DNMBP: variants seen among roughly 807,000 people sequenced by gnomAD.
DNMBP encodes dynamin binding protein.
In DNMBP, 87 loss-of-function variants were observed where a neutral mutation model predicts 150.0. The ratio of observed to expected loss-of-function variants is 0.58; its 90% CI spans 0.49 to 0.69. DNMBP has a LOEUF of 0.69. DNMBP is among the 30% of genes least tolerant of loss of function. The probability of loss-of-function intolerance (pLI) is 0.00; values close to 1 mark genes in which losing one functional copy is unlikely to be tolerated. For synonymous variants in DNMBP, 711 were observed against 750.4 expected (o/e 0.95, Z 0.86); for missense variants, 1,774 against 1,949.0 (o/e 0.91, Z 1.69).
chr10:99,971,594 T>C (rs887655831), intron 2 of DNMBP, among the ~76,000 whole-genome samples: 3 of 152,178 alleles, frequency 2.0e-5, no homozygotes, highest in African/African-American at 7.2e-5. Flanking sequence ...CAATCTCAAC[T>C]CACTGCAATC....
chr10:99,877,218 A>G lies in DNMBP; in HGVS notation c.4667T>C (p.Leu1556Ser), dbSNP rs1273446635. The part of the protein sequence containing the change: ...KDVTGNTEWW[L>S]AEVNGKKGYV... ...GCCCTTCTTCCCGTTAACCTCAGCTAACCACCACTCTGTATTTCCTGTAAC... is the reference window on the plus strand; with the variant it reads ...GCCCTTCTTCCCGTTAACCTCAGCTGACCACCACTCTGTATTTCCTGTAAC... The change falls in exon 17 of 17, where the codon TTA (leucine) becomes TCA (serine). Residue 1556 changes from leucine to serine, a missense_variant. Coordinates refer to ENST00000324109, the MANE Select transcript of DNMBP (RefSeq NM_015221.4). 1.9e-6 allele frequency: 3 copies of G among 1,614,010 alleles called. No individual in the cohort carries two copies. The highest frequency in any genetic ancestry group is 2.5e-6 in the Non-Finnish European group (3 of 1,179,998).
At chr10:99,981,731 G>A (rs931374185) in intron 1 of DNMBP, among the ~76,000 whole-genome samples, 1 of 152,122 alleles carries the variant, frequency 6.6e-6, no homozygotes, top group African/African-American at 2.4e-5. Flanking sequence ...AACTGAACAA[G>A]GCCTCCCCCA....
At chr10:100,006,152 T>C (rs1010134622) in intron 1 of DNMBP, among the ~76,000 whole-genome samples, 3 of 152,166 alleles carry the variant, frequency 2.0e-5, no homozygotes, top group African/African-American at 7.2e-5. Context: ...ATCAGCAAAG[T>C]ACAAAAGGGA....
At chr10:99,996,664 C>T (rs1430486754) in intron 1 of DNMBP, among the ~76,000 whole-genome samples, 2 of 152,082 alleles carry the variant, frequency 1.3e-5, no homozygotes, top group Non-Finnish European at 2.9e-5. Context: ...TATTGAATGT[C>T]TTTCTTTTTC....
rs751026373 is a variant in DNMBP, at chr10:99,971,988, T to C, written c.137A>G (p.Asp46Gly). 18 of 1,613,056 alleles carry C rather than the reference T, an allele frequency of 1.1e-5. No homozygotes were observed. The South Asian group carries it at 1.9e-4, about 17-fold the overall frequency. The change falls in exon 2 of 17, where the codon GAT becomes GGT. Residue 46 changes from aspartate (D) to glycine (G), a missense_variant. Transcript: ENST00000324109. ...ATGAGTCTCTTACTTACCTGTAACA[T>C]CCTCCTTCTTTCCTAGAAGCCAAAA... Reference protein sequence around the residue: ...DEFWLLGKKEDVTGQFPSSFV... With the variant: ...DEFWLLGKKEGVTGQFPSSFV...
intron 1 of DNMBP, among the ~76,000 whole-genome samples, chr10:100,006,926 C>T (rs1027839808): frequency 6.6e-6 from 1 of 152,054 alleles, no homozygotes; most frequent in African/African-American, 2.4e-5. Flanking sequence ...CCAGCCTGAG[C>T]GACATAGTGA....
At chr10:100,008,691 A>C (rs1473405622) in intron 1 of DNMBP, among the ~76,000 whole-genome samples, 1 of 152,266 alleles carries the variant, frequency 6.6e-6, no homozygotes, top group African/African-American at 2.4e-5. Flanking sequence ...TCGAGACAGA[A>C]GAGGACCTTA....
chr10:99,935,737 T>C (rs1231189907), intron 4 of DNMBP, among the ~76,000 whole-genome samples: 2 of 152,136 alleles, frequency 1.3e-5, no homozygotes, highest in African/African-American at 2.4e-5. Context: ...GCTAATTTTG[T>C]ATTCTTAGTA....
chr10:99,947,565 TGGAGGGAG>T (rs551358082), intron 4 of DNMBP, among the ~76,000 whole-genome samples: 7 of 111,108 alleles, frequency 6.3e-5, no homozygotes, highest in South Asian at 6.5e-4. Context: ...TACAGGACAA[TGGAGGGAG>T]GGAGGGAGGG....
chr10:99,962,370 G>A (rs1179832228), intron 3 of DNMBP, among the ~76,000 whole-genome samples: 1 of 152,184 alleles, frequency 6.6e-6, no homozygotes, highest in African/African-American at 2.4e-5. Context: ...AGTGGCTCAC[G>A]CCTGTAATCC....
At chr10:99,994,346 TA>T (rs1206091298) in intron 1 of DNMBP, among the ~76,000 whole-genome samples, 1 of 152,176 alleles carries the variant, frequency 6.6e-6, no homozygotes, top group Non-Finnish European at 1.5e-5. Flanking sequence ...TGGCAAATGG[TA>T]CATACAGTAC....
intron 10 of DNMBP, 36 bp downstream of exon 10, chr10:99,896,227 TGTCA>T (rs749965097): frequency 3.7e-6 from 6 of 1,606,656 alleles, no homozygotes; most frequent in Non-Finnish European, 5.1e-6. Flanking sequence ...CCTGAAAAGC[TGTCA>T]AAGATGCGCT....
At chr10:99,888,066 G>A (rs775639793) in intron 12 of DNMBP, among the ~76,000 whole-genome samples, 15 of 151,876 alleles carry the variant, frequency 9.9e-5, no homozygotes, top group South Asian at 2.1e-4. Context: ...CAGGTGATCC[G>A]CCCACCTCGG....
chr10:99,921,780 G>A (rs558275861), intron 4 of DNMBP, among the ~76,000 whole-genome samples: 6 of 143,930 alleles, frequency 4.2e-5, no homozygotes, highest in South Asian at 4.6e-4. Flanking sequence ...CATGAGAATC[G>A]CTTGAACCTG....
chr10:99,933,744 T>TG (rs1259784161), intron 4 of DNMBP, among the ~76,000 whole-genome samples: 1 of 152,146 alleles, frequency 6.6e-6, no homozygotes, highest in East Asian at 1.9e-4. Context: ...TTTGTTTTTT[T>TG]GTTTTTTTTT....
chr10:100,006,126 A>G (rs1156959634), intron 1 of DNMBP, among the ~76,000 whole-genome samples: 1 of 152,198 alleles, frequency 6.6e-6, no homozygotes, highest in Non-Finnish European at 1.5e-5. Context: ...TTCAATCAGG[A>G]AGGGAAAATT....
At chr10:99,946,389 G>T (rs993208611) in intron 4 of DNMBP, among the ~76,000 whole-genome samples, 1 of 152,188 alleles carries the variant, frequency 6.6e-6, no homozygotes. Flanking sequence ...CTAATGCTCT[G>T]TGTATTTAAA....
intron 1 of DNMBP, among the ~76,000 whole-genome samples, chr10:99,980,220 G>A (rs983054538): frequency 1.2e-4 from 18 of 152,120 alleles, no homozygotes; most frequent in African/African-American, 2.4e-5. Flanking sequence ...TGAGGCAGGC[G>A]GATCATCCGA....
Position 99,897,081 on chromosome 10 carries a change from G to T in DNMBP, c.2921-684C>A, listed in dbSNP as rs533512210. Among the ~76,000 whole-genome samples, 8 of 152,102 alleles carry T rather than the reference G, an allele frequency of 5.3e-5. No individual in the cohort carries two copies. In the South Asian group the frequency reaches 8.3e-4, roughly 16 times the overall value. On this transcript the variant is annotated intron_variant, in intron 9 of 16. Coordinates refer to ENST00000324109, the MANE Select transcript of DNMBP (RefSeq NM_015221.4). ...CAGTTGAAGTAGAAGGCAGAGAAAT[G>T]ATTTTAGATAACTTTAAAGTGTGGA...
Sources: allele counts gnomAD v4.1 joint callset (sites outside exome capture counted in the v4.1 genomes callset), GRCh38; gene constraint gnomAD v4.1.1; transcripts MANE v1.5; gene names NCBI Gene and HGNC (gene_info 2026-07-23, HGNC 2026-07-21).